CFAP77: variants seen among roughly 807,000 people sequenced by gnomAD.
The protein encoded by CFAP77 is cilia and flagella associated protein 77.
In CFAP77, 25 loss-of-function variants were observed where a neutral mutation model predicts 31.1. The ratio of observed to expected loss-of-function variants is 0.80; its 90% CI spans 0.59 to 1.12. The LOEUF (loss-of-function observed/expected upper bound fraction) is 1.12. CFAP77 is among the 50% of genes most tolerant of loss of function. CFAP77 has a pLI of 0.00. For synonymous variants in CFAP77, 151 were observed against 159.9 expected, an observed-to-expected ratio of 0.94 and a Z score of 0.42; for missense variants, 377 against 397.3, an observed-to-expected ratio of 0.95 and a Z score of 0.44.
intron 3 of CFAP77, among the ~76,000 whole-genome samples, chr9:132,506,967 CT>C (rs1179684476): frequency 1.3e-5 from 2 of 152,160 alleles, no homozygotes; most frequent in East Asian, 3.8e-4. Context: ...GGCAGGGACT[CT>C]GCTCATGTTT....
intron 3 of CFAP77, among the ~76,000 whole-genome samples, chr9:132,516,713 T>C (rs375957251): frequency 6.6e-6 from 1 of 151,912 alleles, no homozygotes; most frequent in South Asian, 2.1e-4. Context: ...ACAGTTACCA[T>C]TGGGGGAAAC....
chr9:132,426,014 T>C (rs1850306440), intron 1 of CFAP77, among the ~76,000 whole-genome samples: 1 of 152,226 alleles, frequency 6.6e-6, no homozygotes, highest in Admixed American at 6.5e-5. Context: ...ACTTGTTCAA[T>C]TGTTACCTGA....
intron 3 of CFAP77, among the ~76,000 whole-genome samples, chr9:132,510,785 C>T (rs1852023078): frequency 6.6e-6 from 1 of 151,516 alleles, no homozygotes; most frequent in African/African-American, 2.4e-5. Context: ...AGCTAGAAAC[C>T]GCTGGAGCCT....
At chr9:132,460,066 G>A (rs1851023731) in intron 1 of CFAP77, among the ~76,000 whole-genome samples, 1 of 152,166 alleles carries the variant, frequency 6.6e-6, no homozygotes. Context: ...GACTTTGTAA[G>A]CAGAAGGGCT....
intron 1 of CFAP77, among the ~76,000 whole-genome samples, chr9:132,487,648 T>G (rs539017735): frequency 5.3e-5 from 8 of 151,868 alleles, no homozygotes; most frequent in South Asian, 2.1e-4. Context: ...CTGTGGTTTT[T>G]TTTTTTTTTT....
chr9:132,477,888 G>A (rs1417789107), intron 1 of CFAP77, among the ~76,000 whole-genome samples: 1 of 152,158 alleles, frequency 6.6e-6, no homozygotes, highest in African/African-American at 2.4e-5. Flanking sequence ...AACCAATCTG[G>A]GGGCAGCGGG....
intron 5 of CFAP77, among the ~76,000 whole-genome samples, chr9:132,563,353 G>A (rs1829848414): frequency 6.6e-6 from 1 of 152,186 alleles, no homozygotes; most frequent in Non-Finnish European, 1.5e-5. Context: ...ACTGAGGAAC[G>A]AAGTTTCAGA....
intron 1 of CFAP77, among the ~76,000 whole-genome samples, chr9:132,420,871 A>G (rs993027338): frequency 3.4e-4 from 52 of 152,322 alleles, no homozygotes; most frequent in African/African-American, 1.2e-3. Flanking sequence ...ATGAAAATCA[A>G]CAGCAAAGTG....
In CFAP77 at chr9:132,537,750, A is replaced by G. The variant is rs1356924584; in HGVS notation, c.630+44A>G. On this transcript the variant is annotated intron_variant, in intron 4 of 5. Coordinates refer to ENST00000393216, the MANE Select transcript of CFAP77 (RefSeq NM_001282957.2). ...CCCAAGTTGACAGCTGATGGGGTGG[A>G]GAAGAGAGAAGGGCTGGCCAGGGCC... is the stretch of plus-strand genomic sequence containing the variant. 5 of 1,459,380 alleles carry G rather than the reference A, an allele frequency of 3.4e-6. No individual in the cohort carries two copies. In the East Asian group the frequency reaches 1.1e-4, roughly 33 times the overall value. The allele number at this position is 1,459,380 out of a possible 1,614,324, so 90.4% of individuals were successfully genotyped here.
chr9:132,427,076 A>C (rs1850330159), intron 1 of CFAP77, among the ~76,000 whole-genome samples: 1 of 152,230 alleles, frequency 6.6e-6, no homozygotes, highest in African/African-American at 2.4e-5. Flanking sequence ...TCCATATAAG[A>C]AGCCTGCAGC....
intron 1 of CFAP77, among the ~76,000 whole-genome samples, chr9:132,442,507 C>T (rs1309186008): frequency 1.3e-5 from 2 of 152,100 alleles, no homozygotes; most frequent in African/African-American, 2.4e-5. Flanking sequence ...GAGCTGAGAT[C>T]GAGCCACTGC....
chr9:132,411,099 C>T (rs1280585997), intron 1 of CFAP77, among the ~76,000 whole-genome samples: 1 of 152,258 alleles, frequency 6.6e-6, no homozygotes, highest in Admixed American at 6.5e-5. Flanking sequence ...CATTACACTT[C>T]CCTCCTCCCC....
chr9:132,540,860 C>T (rs1852628565), intron 4 of CFAP77, among the ~76,000 whole-genome samples: 1 of 152,146 alleles, frequency 6.6e-6, no homozygotes, highest in South Asian at 2.1e-4. Flanking sequence ...AGCGAGACGT[C>T]CTACTTCTCC....
intron 1 of CFAP77, among the ~76,000 whole-genome samples, chr9:132,459,130 G>A (rs968047568): frequency 5.3e-4 from 80 of 149,860 alleles, no homozygotes; most frequent in African/African-American, 1.9e-3. Flanking sequence ...GGAGTGCAGT[G>A]GCGTTATCTT....
Position 132,559,346 on chromosome 9 carries a change from C to CAAAAAAAAAA in CFAP77, c.733-13031_733-13022dup, listed in dbSNP as rs35737685. ...CGCGTCAGAGTGAGACTCTGTCTTG[C>CAAAAAAAAAA]AAAAAAAAAAAAAAAAAAAAGGCAA... On this transcript the variant is annotated intron_variant, in intron 5 of 5. Transcript: ENST00000393216. 9.1e-3 allele frequency among the ~76,000 whole-genome samples: 508 copies of CAAAAAAAAAA among 56,044 alleles called. 2 individuals carry two copies. The highest frequency in any genetic ancestry group is 0.014 in the Non-Finnish European group (438 of 31,066). The allele number at this position is 56,044 out of a possible 152,430, so 36.8% of individuals were successfully genotyped here.
At chr9:132,568,908 T>C (rs1241040001) in intron 5 of CFAP77, among the ~76,000 whole-genome samples, 1 of 152,118 alleles carries the variant, frequency 6.6e-6, no homozygotes, top group Non-Finnish European at 1.5e-5. Context: ...CCATGCTGCC[T>C]AGGCTGGTCT....
intron 1 of CFAP77, among the ~76,000 whole-genome samples, chr9:132,427,914 C>T (rs919966576): frequency 6.6e-6 from 1 of 152,142 alleles, no homozygotes; most frequent in South Asian, 2.1e-4. Context: ...AGGACTTCAG[C>T]GTATGAATTT....
intron 1 of CFAP77, among the ~76,000 whole-genome samples, chr9:132,438,148 G>C (rs1242304441): frequency 7.1e-6 from 1 of 140,468 alleles, no homozygotes; most frequent in Non-Finnish European, 1.5e-5. Context: ...GTTGTATTGA[G>C]CCAAGATTGC....
At chr9:132,548,578 G>A (rs927540803) in intron 5 of CFAP77, among the ~76,000 whole-genome samples, 4 of 152,138 alleles carry the variant, frequency 2.6e-5, no homozygotes, top group African/African-American at 7.2e-5. Flanking sequence ...AGCGAGGCCT[G>A]CTGACTTCCG....
Sources: allele counts gnomAD v4.1 joint callset (sites outside exome capture counted in the v4.1 genomes callset), GRCh38; gene constraint gnomAD v4.1.1; transcripts MANE v1.5; gene names NCBI Gene and HGNC (gene_info 2026-07-23, HGNC 2026-07-21).